Variants in SCN8A observed in about 807,000 individuals in gnomAD.
SCN8A encodes sodium channel protein type 8 subunit alpha.
In SCN8A, 30 loss-of-function variants were observed where a neutral mutation model predicts 184.1. The ratio of observed to expected loss-of-function variants is 0.16; its 90% CI spans 0.12 to 0.22. The LOEUF is 0.22. SCN8A is among the 10% of genes least tolerant of loss of function. The probability of loss-of-function intolerance (pLI) is 1.00; values close to 1 mark genes in which losing one functional copy is unlikely to be tolerated. For missense variants in SCN8A, 1,057 were observed against 2,498.9 expected, an observed-to-expected ratio of 0.42 and a Z score of 12.30; for synonymous variants, 852 against 907.0, an observed-to-expected ratio of 0.94 and a Z score of 1.09.
chr12:51,778,574 C>A (rs1216572911), intron 20 of SCN8A, among the ~76,000 whole-genome samples: 1 of 152,094 alleles, frequency 6.6e-6, no homozygotes, highest in African/African-American at 2.4e-5. Context: ...GTTTTTAAAT[C>A]GAAACCTTTA....
intron 2 of SCN8A, among the ~76,000 whole-genome samples, chr12:51,664,453 C>G (rs1469626423): frequency 3.3e-5 from 5 of 152,166 alleles, no homozygotes; most frequent in African/African-American, 1.2e-4. Context: ...AGTGATTCAC[C>G]CGCCTCAGCC....
intron 8 of SCN8A, 126 bp from the exon 9 acceptor site, chr12:51,702,647 T>C: frequency 2.6e-6 from 2 of 767,780 alleles, no homozygotes; most frequent in South Asian, 1.0e-4. Context: ...TTGGCCTGGC[T>C]CTATCAATGG....
Position 51,688,713 on chromosome 12 carries a change from C to T in SCN8A, c.615-292C>T, listed in dbSNP as rs187399149. ...TTTCTTCCCCCCATTCTCAAACCCT[C>T]GCCCAGTGGTACCATTACAAGTTAA... is the stretch of plus-strand genomic sequence containing the variant. On this transcript the variant is annotated intron_variant, in intron 5 of 26. Coordinates refer to ENST00000627620, the MANE Select transcript of SCN8A (RefSeq NM_001330260.2). 1.6e-5 allele frequency: 22 copies of T among 1,388,898 alleles called. No individual in the cohort carries two copies. The East Asian group carries it at 3.2e-4, about 20-fold the overall frequency. The allele number at this position is 1,388,898 out of a possible 1,614,324, so 86.0% of individuals were successfully genotyped here.
intron 26 of SCN8A, among the ~76,000 whole-genome samples, 151 bp downstream of exon 26, chr12:51,794,792 G>A (rs1234859830): frequency 3.3e-5 from 5 of 151,848 alleles, no homozygotes; most frequent in East Asian, 1.9e-4. Context: ...GAGTCATCTC[G>A]GGGGCCTGCC....
At chr12:51,795,320 T>A (rs1938377747) in intron 26 of SCN8A, among the ~76,000 whole-genome samples, 1 of 152,242 alleles carries the variant, frequency 6.6e-6, no homozygotes, top group Non-Finnish European at 1.5e-5. Flanking sequence ...TGTGGGGGGA[T>A]GATGTCCTGG....
intron 1 of SCN8A, among the ~76,000 whole-genome samples, chr12:51,621,442 A>C (rs1939959986): frequency 6.6e-6 from 1 of 152,246 alleles, no homozygotes; most frequent in African/African-American, 2.4e-5. Flanking sequence ...ATTTGCATTT[A>C]GAAATACAAA....
At chr12:51,668,871 A>G (rs1941082223) in intron 2 of SCN8A, among the ~76,000 whole-genome samples, 1 of 152,164 alleles carries the variant, frequency 6.6e-6, no homozygotes, top group South Asian at 2.1e-4. Context: ...GTGTCACTTA[A>G]CGATGGGGGT....
At chr12:51,702,538 A>T (rs1239272796) in intron 8 of SCN8A, among the ~76,000 whole-genome samples, 1 of 152,130 alleles carries the variant, frequency 6.6e-6, no homozygotes, top group Non-Finnish European at 1.5e-5. Context: ...AGGATGCAGG[A>T]ATCTGCATTT....
chr12:51,728,665 G>A (rs1483355651), intron 12 of SCN8A, among the ~76,000 whole-genome samples: 6 of 151,268 alleles, frequency 4.0e-5, no homozygotes, highest in Non-Finnish European at 1.5e-5. Flanking sequence ...AGCCTGGGAG[G>A]TCAAGGCTGC....
intron 1 of SCN8A, among the ~76,000 whole-genome samples, chr12:51,656,226 A>G (rs142702354): frequency 1.1e-3 from 165 of 152,330 alleles, no homozygotes; most frequent in African/African-American, 3.5e-3. Flanking sequence ...CAGACATTTT[A>G]TTAAGTGATG....
chr12:51,757,855 A>G (rs1358922140), intron 14 of SCN8A, among the ~76,000 whole-genome samples: 2 of 152,238 alleles, frequency 1.3e-5, no homozygotes, highest in East Asian at 3.8e-4. Flanking sequence ...TATTTTATAG[A>G]GAATAGAGAA....
chr12:51,651,089 T>G (rs1157918524), intron 1 of SCN8A, among the ~76,000 whole-genome samples: 1 of 152,202 alleles, frequency 6.6e-6, no homozygotes, highest in Non-Finnish European at 1.5e-5. Flanking sequence ...AGAATGCCTT[T>G]AAGCGGTTTT....
At chr12:51,608,994 A>G (rs1460056893) in intron 1 of SCN8A, among the ~76,000 whole-genome samples, 2 of 152,216 alleles carry the variant, frequency 1.3e-5, no homozygotes, top group East Asian at 3.8e-4. Flanking sequence ...TTTTGACTCA[A>G]TGCTGATTCA....
intron 12 of SCN8A, among the ~76,000 whole-genome samples, chr12:51,729,674 G>A (rs1942210150): frequency 6.6e-6 from 1 of 152,064 alleles, no homozygotes; most frequent in Admixed American, 6.5e-5. Flanking sequence ...TTTATATTGG[G>A]TAGATACATC....
intron 21 of SCN8A, among the ~76,000 whole-genome samples, chr12:51,783,122 A>G (rs1442657084): frequency 2.0e-5 from 3 of 152,204 alleles, no homozygotes; most frequent in East Asian, 1.9e-4. Context: ...AGTATTGACC[A>G]TGGCTGGTTG....
chr12:51,614,784 C>CT (rs35444197), intron 1 of SCN8A, among the ~76,000 whole-genome samples: 118,436 of 142,412 alleles, frequency 0.83, 49,267 homozygotes, highest in East Asian at 0.99. Context: ...ACTGTATGTT[C>CT]TTTTTTTTTT....
chr12:51,801,588 T>C (rs191706663), intron 26 of SCN8A, among the ~76,000 whole-genome samples: 3 of 152,280 alleles, frequency 2.0e-5, no homozygotes, highest in Non-Finnish European at 2.9e-5. Context: ...GCAAATAAAC[T>C]ATTAGAACCT....
chr12:51,596,738 T>G (rs1939357280), intron 1 of SCN8A, among the ~76,000 whole-genome samples: 1 of 152,108 alleles, frequency 6.6e-6, no homozygotes, highest in Non-Finnish European at 1.5e-5. Flanking sequence ...GTAACACACT[T>G]GTGTTCCTTC....
chr12:51,784,129 CT>C (rs1938008554), intron 21 of SCN8A, among the ~76,000 whole-genome samples: 1 of 152,212 alleles, frequency 6.6e-6, no homozygotes, highest in Non-Finnish European at 1.5e-5. Context: ...GAAATATGAT[CT>C]CTTGCCCAGT....
Sources: gnomAD v4.1 joint callset for allele counts (sites outside exome capture counted in the v4.1 genomes callset) on GRCh38, gnomAD v4.1.1 for gene constraint, MANE v1.5 for transcripts, NCBI Gene and HGNC (gene_info 2026-07-23, HGNC 2026-07-21) for gene names.